PCGF5: variants seen among roughly 807,000 people sequenced by gnomAD.
PCGF5 encodes the protein polycomb group ring finger 5.
A neutral mutation model predicts 44.3 loss-of-function variants in PCGF5; 9 were observed. The ratio of observed to expected loss-of-function variants is 0.20; its 90% confidence interval spans 0.12 to 0.35. PCGF5 has a LOEUF of 0.35. Among genes scored for constraint, PCGF5 ranks in the 10% least tolerant of loss-of-function variants. The pLI is 1.00. For missense variants in PCGF5, 146 were observed against 305.3 expected (o/e 0.48, Z 3.89); for synonymous variants, 95 against 102.5 (o/e 0.93, Z 0.44).
At chr10:91,252,506 A>G (rs1182235956) in intron 6 of PCGF5, among the ~76,000 whole-genome samples, 1 of 152,044 alleles carries the variant, frequency 6.6e-6, no homozygotes, top group African/African-American at 2.4e-5. Flanking sequence ...CACTCAAGGA[A>G]CTTGGTTAGG....
chr10:91,245,033 A>G (rs1002159272), intron 3 of PCGF5, among the ~76,000 whole-genome samples: 1 of 152,170 alleles, frequency 6.6e-6, no homozygotes, highest in African/African-American at 2.4e-5. Context: ...TGTAAGCAGG[A>G]TGAGATCACT....
In PCGF5 at chr10:91,273,706, T is replaced by C. The variant is rs143547716; in HGVS notation, c.723+2009T>C. On this transcript the variant is annotated intron_variant, in intron 9 of 9. Transcript: ENST00000336126. ...AATCCTTCCACTTTGCCATTCTTAATAGCAAAAACTGACAGAGAACCCACA... is the reference window on the plus strand; with the variant it reads ...AATCCTTCCACTTTGCCATTCTTAACAGCAAAAACTGACAGAGAACCCACA... 1.6e-3 allele frequency among the ~76,000 whole-genome samples: 240 copies of C among 152,140 alleles called. 1 individual carries two copies. The highest frequency in any genetic ancestry group is 5.7e-3 in the African/African-American group (235 of 41,556).
chr10:91,190,965 G>A (rs1451335433), intron 1 of PCGF5, among the ~76,000 whole-genome samples: 2 of 152,044 alleles, frequency 1.3e-5, no homozygotes, highest in East Asian at 1.9e-4. Flanking sequence ...TGCTGGCAAC[G>A]AGTCCAGATC....
At chr10:91,247,196 C>A (rs999490592) in intron 3 of PCGF5, among the ~76,000 whole-genome samples, 2 of 151,242 alleles carry the variant, frequency 1.3e-5, no homozygotes, top group Non-Finnish European at 3.0e-5. Context: ...TTAAAAAAAA[C>A]AAAGGAAATT....
intron 6 of PCGF5, among the ~76,000 whole-genome samples, chr10:91,260,153 T>C (rs947869707): frequency 6.6e-6 from 1 of 151,686 alleles, no homozygotes; most frequent in Admixed American, 6.6e-5. Context: ...GGGCAAAGGG[T>C]ATGAACAGAC....
At chr10:91,159,148 T>C (rs916231902), upstream of PCGF5, among the ~76,000 whole-genome samples, 1 of 152,128 alleles carries the variant, frequency 6.6e-6, no homozygotes, top group Non-Finnish European at 1.5e-5. Flanking sequence ...TCATAAGACA[T>C]AGCTTCAAAT....
Position 91,226,382 on chromosome 10 carries a change from C to G in PCGF5, c.112+3399C>G, listed in dbSNP as rs1265643431. The stretch of plus-strand genomic sequence containing the variant: ...GCAGATGTGTATCAGGATACTGGAG[C>G]AGAATGATATGCAGAAGAAACTCGT... On this transcript the variant is annotated intron_variant, in intron 2 of 9. Transcript: ENST00000336126. Among the ~76,000 whole-genome samples, 3 of 149,870 alleles carry G rather than the reference C, an allele frequency of 2.0e-5. No individual in the cohort carries two copies. The East Asian group carries it at 5.9e-4, about 29-fold the overall frequency.
chr10:91,255,357 G>A (rs1460776617), intron 6 of PCGF5, among the ~76,000 whole-genome samples: 1 of 152,006 alleles, frequency 6.6e-6, no homozygotes, highest in Non-Finnish European at 1.5e-5. Context: ...GAAATCTAGA[G>A]GGCCACGTGC....
At chr10:91,249,912 A>T (rs1421534187) in intron 5 of PCGF5, among the ~76,000 whole-genome samples, 1 of 151,380 alleles carries the variant, frequency 6.6e-6, no homozygotes, top group Non-Finnish European at 1.5e-5. Context: ...AAAAATACAG[A>T]TAAGATAAGG....
chr10:91,165,777 A>G (rs931055340), intron 1 of PCGF5, among the ~76,000 whole-genome samples: 1 of 152,226 alleles, frequency 6.6e-6, no homozygotes, highest in African/African-American at 2.4e-5. Context: ...CAGTGATATA[A>G]TGTAAAAAGG....
chr10:91,274,053 A>C (rs1846248619), intron 9 of PCGF5, among the ~76,000 whole-genome samples: 1 of 151,996 alleles, frequency 6.6e-6, no homozygotes, highest in African/African-American at 2.4e-5. Flanking sequence ...ACATTTTGCC[A>C]CATTTTTTGC....
intron 1 of PCGF5, among the ~76,000 whole-genome samples, chr10:91,181,598 C>G (rs1295929304): frequency 6.6e-6 from 1 of 152,188 alleles, no homozygotes; most frequent in Non-Finnish European, 1.5e-5. Context: ...AAAGCCTTTT[C>G]TGCATCTATT....
intron 9 of PCGF5, among the ~76,000 whole-genome samples, chr10:91,276,507 A>T (rs1846317238): frequency 6.6e-6 from 1 of 152,232 alleles, no homozygotes. Flanking sequence ...CACAAATAGA[A>T]CTTAAAATAT....
chr10:91,178,588 C>A (rs1843757858), intron 1 of PCGF5, among the ~76,000 whole-genome samples: 1 of 151,986 alleles, frequency 6.6e-6, no homozygotes, highest in Non-Finnish European at 1.5e-5. Flanking sequence ...CAGGGTTTCA[C>A]CATGTTGTCC....
rs147379640 is a variant in PCGF5 at position 91,177,798 on chromosome 10, G to A, written c.-184+14717G>A. 6.0e-3 allele frequency among the ~76,000 whole-genome samples: 919 copies of A among 152,308 alleles called. 12 individuals carry two copies. The highest frequency in any genetic ancestry group is 0.019 in the African/African-American group (772 of 41,570). ...GGAGTGACCCAATTTTCCAGGTGCCGTCTGTCACCCCTTTCCTTGGCTAGG... is the reference window on the plus strand; with the variant it reads ...GGAGTGACCCAATTTTCCAGGTGCCATCTGTCACCCCTTTCCTTGGCTAGG... On this transcript the variant is annotated intron_variant, in intron 1 of 9. Transcript: ENST00000614189.
chr10:91,222,803 G>A lies in PCGF5; in HGVS notation c.-69G>A. ...CTGGGAACGACACACCAGCTCCTGG[G>A]ATCAGACTTTCATCTACTTAGGACC... On this transcript the variant is annotated 5_prime_UTR_variant, in exon 2 of 10. Transcript: ENST00000336126. 1 of 873,862 alleles carries A rather than the reference G, an allele frequency of 1.1e-6. No individual in the cohort carries two copies. The highest frequency in any genetic ancestry group is 1.9e-6 in the Non-Finnish European group (1 of 529,186). 54.1% of individuals were successfully genotyped at this position (873,862 alleles called of 1,614,324 possible). A position where few individuals can be genotyped will look rare whatever the true frequency, so the allele number is the denominator to read the frequency against.
intron 2 of PCGF5, among the ~76,000 whole-genome samples, chr10:91,234,073 A>T (rs1845086475): frequency 6.6e-6 from 1 of 152,190 alleles, no homozygotes; most frequent in South Asian, 2.1e-4. Flanking sequence ...TACATAAGAG[A>T]CCTGGGTGGA....
rs373481605 is a variant in PCGF5, at chr10:91,234,141, C to T, written c.113-6343C>T. On this transcript the variant is annotated intron_variant, in intron 2 of 9. Coordinates refer to ENST00000336126, the MANE Select transcript of PCGF5 (RefSeq NM_032373.5). ...GACCTTGTACCTTTTGTGTAGACAC[C>T]CTCAAGAACTTGAAAATAGGAAATA... Among the ~76,000 whole-genome samples the T allele has an allele frequency of 1.6e-4, 24 of 152,198 alleles. No individual in the cohort carries two copies. The East Asian group carries it at 2.9e-3, about 18-fold the overall frequency.
At chr10:91,158,847 T>G (rs1843348293), upstream of PCGF5, among the ~76,000 whole-genome samples, 1 of 152,164 alleles carries the variant, frequency 6.6e-6, no homozygotes, top group South Asian at 2.1e-4. Flanking sequence ...ACTCAATATT[T>G]TTGGCCCTTT....
Sources: allele counts gnomAD v4.1 joint callset (sites outside exome capture counted in the v4.1 genomes callset), GRCh38; gene constraint gnomAD v4.1.1; transcripts MANE v1.5; gene names NCBI Gene and HGNC (gene_info 2026-07-23, HGNC 2026-07-21).